TLL2: variants seen among roughly 807,000 people sequenced by gnomAD.
The protein encoded by TLL2 is tolloid-like protein 2.
A neutral mutation model predicts 123.0 loss-of-function variants in TLL2; 106 were observed. That is an observed-to-expected ratio of 0.86 (90% CI 0.74 to 1.01). TLL2 has a LOEUF of 1.01. TLL2 is among the 50% of genes least tolerant of loss of function. The pLI, the probability that TLL2 is intolerant of heterozygous loss-of-function variation, is 0.00. For synonymous variants in TLL2, 494 were observed against 516.8 expected (o/e 0.96, Z 0.60); for missense variants, 1,332 against 1,336.7 (o/e 1.00, Z 0.06).
chr10:96,464,512 G>A (rs529757422), intron 2 of TLL2, among the ~76,000 whole-genome samples: 3 of 152,222 alleles, frequency 2.0e-5, no homozygotes, highest in South Asian at 2.1e-4. Flanking sequence ...CCTTGTGAGC[G>A]GCAGCAGTAC....
chr10:96,474,194 C>A (rs557883476), intron 2 of TLL2, among the ~76,000 whole-genome samples: 3 of 152,268 alleles, frequency 2.0e-5, no homozygotes, highest in Admixed American at 2.0e-4. Flanking sequence ...CCTGAAGAAT[C>A]CTTTCTTGCC....
intron 16 of TLL2, 26 bp downstream of exon 16, chr10:96,384,561 T>A (rs1367716272): frequency 6.5e-7 from 1 of 1,547,586 alleles, no homozygotes; most frequent in South Asian, 1.2e-5. Flanking sequence ...TCGCGCTGCA[T>A]CAGCCTCACC....
intron 19 of TLL2, 52 bp from the exon 20 acceptor site, chr10:96,370,367 T>TG (rs745492864): frequency 1.3e-6 from 2 of 1,498,720 alleles, no homozygotes; most frequent in Non-Finnish European, 1.8e-6. Flanking sequence ...CCCTCGTGCC[T>TG]CCCGCCTGCG....
At position 96,413,257 on chromosome 10, in the gene TLL2, A is replaced by G; in HGVS notation, c.983T>C (p.Ile328Thr). Residue 328 changes from isoleucine to threonine, a missense_variant, in exon 8 of 21, where the codon ATT (isoleucine) becomes ACT (threonine). By Grantham distance (89) the Ile-to-Thr change is moderately conservative. Transcript: ENST00000357947. The stretch of plus-strand genomic sequence containing the variant: ...CTGACTGAGCCGCACGCGCTGGCCA[A>G]TGGTTGGCCTGACGCCATTGTCATC... ...RQDDNGVRPTIGQRVRLSQGD... is the reference protein window; with the variant it reads ...RQDDNGVRPTTGQRVRLSQGD... 1.2e-6 allele frequency: 2 copies of G among 1,614,190 alleles called. No homozygotes were observed. Among genetic ancestry groups the G allele is most frequent in the East Asian group, 2.2e-5 (1 of 44,888 alleles).
rs141755434 is a variant in TLL2, at chr10:96,426,145, T to C, written c.638+2486A>G. Among the ~76,000 whole-genome samples the C allele has an allele frequency of 9.0e-4, 137 of 152,220 alleles. 2 individuals carry two copies. The East Asian group carries it at 0.014, about 15-fold the overall frequency. ...TTTAGCATCTATTGAGATATGAATATAGCTTCTCTTCTTTGACCAATCAAT... is the reference window on the plus strand; with the variant it reads ...TTTAGCATCTATTGAGATATGAATACAGCTTCTCTTCTTTGACCAATCAAT... On this transcript the variant is annotated intron_variant, in intron 5 of 20. Transcript: ENST00000357947.
chr10:96,454,423 T>G (rs2056304950), intron 2 of TLL2, among the ~76,000 whole-genome samples: 2 of 152,194 alleles, frequency 1.3e-5, no homozygotes, highest in Admixed American at 1.3e-4. Flanking sequence ...AGAAGTCCAT[T>G]TTGCTTGGTG....
At chr10:96,450,032 A>G (rs1846940639) in intron 2 of TLL2, among the ~76,000 whole-genome samples, 1 of 152,180 alleles carries the variant, frequency 6.6e-6, no homozygotes, top group Non-Finnish European at 1.5e-5. Flanking sequence ...CACATCTTGA[A>G]GGAAGGGATT....
intron 2 of TLL2, among the ~76,000 whole-genome samples, chr10:96,472,707 C>T (rs1589431033): frequency 6.6e-6 from 1 of 151,726 alleles, no homozygotes; most frequent in Admixed American, 6.6e-5. Context: ...GGCTGCAGTG[C>T]ACCACTGCAC....
intron 2 of TLL2, among the ~76,000 whole-genome samples, chr10:96,477,533 C>A (rs1193103458): frequency 6.6e-6 from 1 of 151,984 alleles, no homozygotes; most frequent in Non-Finnish European, 1.5e-5. Context: ...TAATCGTAAA[C>A]CCTCCCAGGT....
chr10:96,469,228 C>CTTA (rs1338114889), intron 2 of TLL2, among the ~76,000 whole-genome samples: 2 of 152,240 alleles, frequency 1.3e-5, no homozygotes, highest in Non-Finnish European at 2.9e-5. Flanking sequence ...GCACACTACC[C>CTTA]TTCCCTCCGG....
chr10:96,383,824 C>T (rs1330660707), intron 16 of TLL2, among the ~76,000 whole-genome samples: 4 of 144,328 alleles, frequency 2.8e-5, no homozygotes, highest in Admixed American at 1.4e-4. Flanking sequence ...GTAGAGACGG[C>T]GTTTCACCAT....
At chr10:96,403,761 C>A (rs950850394) in intron 10 of TLL2, among the ~76,000 whole-genome samples, 2 of 126,622 alleles carry the variant, frequency 1.6e-5, no homozygotes, top group East Asian at 8.0e-4. Context: ...AGACCACTGT[C>A]CCCTGCCTGC....
intron 19 of TLL2, among the ~76,000 whole-genome samples, chr10:96,370,553 C>T (rs1277383895): frequency 3.3e-5 from 5 of 152,192 alleles, no homozygotes; most frequent in African/African-American, 4.8e-5. Flanking sequence ...CTTGAGAATA[C>T]GTGAGCATGC....
At chr10:96,399,283 TA>T (rs1443234341) in intron 10 of TLL2, among the ~76,000 whole-genome samples, 2 of 152,206 alleles carry the variant, frequency 1.3e-5, no homozygotes, top group African/African-American at 2.4e-5. Context: ...TATATCTGAA[TA>T]TTTTTTTAAA....
chr10:96,430,483 C>T (rs2134079886), intron 4 of TLL2, among the ~76,000 whole-genome samples: 1 of 152,346 alleles, frequency 6.6e-6, no homozygotes, highest in Middle Eastern at 3.4e-3. Context: ...TAGAGCAACA[C>T]AAATGGACTA....
In TLL2 at chr10:96,365,487, C is replaced by A. The variant is rs538269117; in HGVS notation, c.*2601G>T. ...CCTTCATTAGCCTGTTGTCCTAAGA[C>A]AATTCTCTGAACTAAAACTATTCTT... On this transcript the variant is annotated 3_prime_UTR_variant, in exon 21 of 21. Coordinates refer to ENST00000357947, the MANE Select transcript of TLL2 (RefSeq NM_012465.4). 22 of 152,382 alleles carry A rather than the reference C, an allele frequency of 1.4e-4. No individual in the cohort carries two copies. Among genetic ancestry groups the A allele is most frequent in the African/African-American group, 5.3e-4 (22 of 41,596 alleles). The allele number at this position is 152,382 out of a possible 1,614,324, so 9.4% of individuals were successfully genotyped here. A position where few individuals can be genotyped will look rare whatever the true frequency, so the allele number is the denominator to read the frequency against.
intron 3 of TLL2, among the ~76,000 whole-genome samples, chr10:96,435,386 T>C (rs1484336412): frequency 2.0e-5 from 3 of 152,214 alleles, no homozygotes; most frequent in Admixed American, 6.5e-5. Flanking sequence ...GATATATAAT[T>C]TCCAAATCTT....
At chr10:96,500,020 C>A (rs946263882) in intron 1 of TLL2, among the ~76,000 whole-genome samples, 4 of 151,042 alleles carry the variant, frequency 2.6e-5, no homozygotes, top group Admixed American at 6.6e-5. Flanking sequence ...ATGCCTCACA[C>A]CTGTAATCCC....
intron 2 of TLL2, among the ~76,000 whole-genome samples, chr10:96,468,449 G>A (rs971965501): frequency 6.6e-6 from 1 of 152,144 alleles, no homozygotes; most frequent in African/African-American, 2.4e-5. Flanking sequence ...GATCAGCCTT[G>A]CTCCTTTCTC....
Sources: allele counts gnomAD v4.1 joint callset (sites outside exome capture counted in the v4.1 genomes callset), GRCh38; gene constraint gnomAD v4.1.1; transcripts MANE v1.5; gene names NCBI Gene and HGNC (gene_info 2026-07-23, HGNC 2026-07-21).